Variants in BEGAIN observed in about 807,000 individuals in gnomAD.
BEGAIN encodes brain enriched guanylate kinase associated, also known as brain-enriched guanylate kinase-associated protein.
In BEGAIN, 19 loss-of-function variants were observed where a neutral mutation model predicts 35.8. The ratio of observed to expected loss-of-function variants is 0.53; its 90% confidence interval spans 0.37 to 0.78. The LOEUF is 0.78. BEGAIN is among the 30% of genes least tolerant of loss of function. The pLI, the probability that BEGAIN is intolerant of heterozygous loss-of-function variation, is 0.00. For missense variants in BEGAIN, 795 were observed against 853.6 expected, an observed-to-expected ratio of 0.93 and a Z score of 0.85; for synonymous variants, 462 against 388.6, an observed-to-expected ratio of 1.19 and a Z score of -2.22.
chr14:100,585,593 C>T (rs2035427703), intron 1 of BEGAIN, among the ~76,000 whole-genome samples: 1 of 151,624 alleles, frequency 6.6e-6, no homozygotes, highest in Non-Finnish European at 1.5e-5. Context: ...CCATAAATGG[C>T]AGCTATGTGG....
Position 100,568,137 on chromosome 14 carries a change from G to T in BEGAIN, c.43-198C>A. The T allele has an allele frequency of 1.0e-6, 1 of 992,054 alleles. No homozygotes were observed. The highest frequency in any genetic ancestry group is 1.2e-6 in the Non-Finnish European group (1 of 830,576). The allele number at this position is 992,054 out of a possible 1,614,324, so 61.5% of individuals were successfully genotyped here. Reference sequence around the variant, plus strand: ...AGTGGGCGCGCCGGGCCGCGGCCGAGTAACAGGTGAGCCCGCCCGGGCCGC... The same window carrying T: ...AGTGGGCGCGCCGGGCCGCGGCCGATTAACAGGTGAGCCCGCCCGGGCCGC... On this transcript the variant is annotated intron_variant, in intron 1 of 6. Transcript: ENST00000554140. The surrounding 1 kb of genome is among the most constrained non-coding windows in gnomAD (Gnocchi z 7.5).
chr14:100,571,881 G>A (rs2035090480), intron 1 of BEGAIN, among the ~76,000 whole-genome samples: 1 of 152,294 alleles, frequency 6.6e-6, no homozygotes, highest in South Asian at 2.1e-4. Context: ...TGCACGGCCG[G>A]GGCCTCCCTT....
In BEGAIN at chr14:100,562,625, C is replaced by T. The variant is rs1241276051; in HGVS notation, c.71+5286G>A. 3.3e-5 allele frequency among the ~76,000 whole-genome samples: 5 copies of T among 151,874 alleles called. No individual in the cohort carries two copies. The East Asian group carries it at 9.7e-4, about 29-fold the overall frequency. ...CCAACACATCCAGAACGCAGCACCT[C>T]TGCCCTCCTCCATGGCCACCAGCCC... On this transcript the variant is annotated intron_variant, in intron 2 of 6. Coordinates refer to ENST00000554140, the MANE Select transcript of BEGAIN (RefSeq NM_001385089.1).
Position 100,586,425 on chromosome 14 carries a change from T to A in BEGAIN, c.42+824A>T, listed in dbSNP as rs2035446281. On this transcript the variant is annotated intron_variant, in intron 1 of 6. Transcript: ENST00000554140. This position sits in a 1 kb window ranked among gnomAD's most constrained non-coding sequence, Gnocchi z 4.9. ...TCCGGCCCCGCTCCCGGGTGCCCAC[T>A]CTGCTCCCATTCTGCCGGCTCAGGA... Among the ~76,000 whole-genome samples, 1 of 152,130 alleles carries A rather than the reference T, an allele frequency of 6.6e-6. No individual in the cohort carries two copies. The highest frequency in any genetic ancestry group is 2.4e-5 in the African/African-American group (1 of 41,452).
At chr14:100,559,601 C>T (rs1354911832) in intron 2 of BEGAIN, among the ~76,000 whole-genome samples, 3 of 152,228 alleles carry the variant, frequency 2.0e-5, no homozygotes, top group Non-Finnish European at 4.4e-5. Context: ...CCAGGCTGCT[C>T]ACCACTGCAA....
chr14:100,553,770 A>C (rs1296186115), intron 2 of BEGAIN, among the ~76,000 whole-genome samples: 1 of 152,172 alleles, frequency 6.6e-6, no homozygotes, highest in Non-Finnish European at 1.5e-5. Flanking sequence ...TGTGCTGGAC[A>C]ACCCTCCTGC....
chr14:100,553,558 C>A (rs959815901), intron 2 of BEGAIN, among the ~76,000 whole-genome samples: 1 of 152,142 alleles, frequency 6.6e-6, no homozygotes, highest in East Asian at 1.9e-4. Context: ...AATGTGGCTG[C>A]CCCCACACCC....
chr14:100,539,118 G>A lies in BEGAIN; in HGVS notation c.690C>T (p.Asp230=), dbSNP rs145762986. 1.3e-4 allele frequency: 216 copies of A among 1,607,506 alleles called. No individual in the cohort carries two copies. The African/African-American group carries it at 2.4e-3, about 17-fold the overall frequency. ...GCCGCGGGCCTGGTTTCTCCACCCC[G>A]TCGCAGAAGGCCAGGTCGCGGGCGG... ...DASARDLAFC[D]GVEKPGPRPP... The change falls in exon 7 of 7, where the codon GAC becomes GAT. Residue 230 remains aspartate (D), a synonymous_variant. Coordinates refer to ENST00000554140, the MANE Select transcript of BEGAIN (RefSeq NM_001385089.1).
intron 1 of BEGAIN, among the ~76,000 whole-genome samples, chr14:100,570,728 C>T (rs529508828): frequency 2.4e-4 from 36 of 152,354 alleles, no homozygotes; most frequent in African/African-American, 8.4e-4. Flanking sequence ...GCTACGCCCT[C>T]GGGGACAGTC....
rs56090356 is a variant in BEGAIN, at chr14:100,583,692, CTT to C, written c.42+3555_42+3556del. Among the ~76,000 whole-genome samples the C allele has an allele frequency of 8.3e-4, 90 of 108,972 alleles. 1 individual carries two copies. The highest frequency in any genetic ancestry group is 6.2e-3 in the South Asian group (18 of 2,920). The allele number at this position is 108,972 out of a possible 152,430, so 71.5% of individuals were successfully genotyped here. ...CTCTCTCTCTCTTTCGTTTTTCTTCCTTTTTTTTTTTTTTTTTGATGGAGTCT... is the reference window on the plus strand; with the variant it reads ...CTCTCTCTCTCTTTCGTTTTTCTTCCTTTTTTTTTTTTTTTGATGGAGTCT... On this transcript the variant is annotated intron_variant, in intron 1 of 6. Transcript: ENST00000554140.
chr14:100,584,856 G>C (rs12883220), intron 1 of BEGAIN, among the ~76,000 whole-genome samples: 96 of 151,926 alleles, frequency 6.3e-4, no homozygotes, highest in African/African-American at 2.2e-3. Context: ...AGTCAGAAGA[G>C]AACCATGCGG....
chr14:100,537,901 G>A lies in BEGAIN; in HGVS notation c.*68C>T. On this transcript the variant is annotated 3_prime_UTR_variant, in exon 7 of 7. Coordinates refer to ENST00000554140, the MANE Select transcript of BEGAIN (RefSeq NM_001385089.1). ...GGAACAGCGGGGGCTGGGGAGAGGT[G>A]AGGCCGGCCCTTCTGGGGCACGTGG... is the stretch of plus-strand genomic sequence containing the variant. 7 of 1,517,902 alleles carry A rather than the reference G, an allele frequency of 4.6e-6. No individual in the cohort carries two copies. The highest frequency in any genetic ancestry group is 2.4e-4 in the Middle Eastern group (1 of 4,110). The allele number at this position is 1,517,902 out of a possible 1,614,324, so 94.0% of individuals were successfully genotyped here.
chr14:100,581,899 G>A (rs2035324662), intron 1 of BEGAIN, among the ~76,000 whole-genome samples: 1 of 152,232 alleles, frequency 6.6e-6, no homozygotes, highest in Non-Finnish European at 1.5e-5. Flanking sequence ...CTGCCGAGTG[G>A]GCAGGCATGC....
chr14:100,550,732 C>G (rs2033109017), intron 2 of BEGAIN, among the ~76,000 whole-genome samples: 1 of 152,198 alleles, frequency 6.6e-6, no homozygotes, highest in African/African-American at 2.4e-5. Flanking sequence ...CACCTGCCAG[C>G]CCTCACTCCT....
chr14:100,575,320 C>A (rs1212063240), intron 1 of BEGAIN, among the ~76,000 whole-genome samples: 2 of 152,198 alleles, frequency 1.3e-5, no homozygotes, highest in East Asian at 3.9e-4. Context: ...GTGCTCAAAT[C>A]AACAGACAAG....
chr14:100,537,692 T>G lies in BEGAIN; in HGVS notation c.*277A>C. 3 of 412,400 alleles carry G rather than the reference T, an allele frequency of 7.3e-6. No homozygotes were observed. The highest frequency in any genetic ancestry group is 7.8e-5 in the East Asian group (2 of 25,682). The allele number at this position is 412,400 out of a possible 1,614,324, so 25.5% of individuals were successfully genotyped here. A position where few individuals can be genotyped will look rare whatever the true frequency, so the allele number is the denominator to read the frequency against. ...TTTTCTCTATAAAAATAGTTTCGCTTTATAAAAGGGGGGATGCTCCTCTCA... is the reference window on the plus strand; with the variant it reads ...TTTTCTCTATAAAAATAGTTTCGCTGTATAAAAGGGGGGATGCTCCTCTCA... On this transcript the variant is annotated 3_prime_UTR_variant, in exon 7 of 7. Coordinates refer to ENST00000554140, the MANE Select transcript of BEGAIN (RefSeq NM_001385089.1).
chr14:100,576,655 C>G (rs2139754117), intron 1 of BEGAIN, among the ~76,000 whole-genome samples: 1 of 152,308 alleles, frequency 6.6e-6, no homozygotes, highest in South Asian at 2.1e-4. Context: ...CTCCCTGGCC[C>G]AGGGGACACA....
At chr14:100,557,060 C>A (rs1458255905) in intron 2 of BEGAIN, among the ~76,000 whole-genome samples, 2 of 126,892 alleles carry the variant, frequency 1.6e-5, no homozygotes, top group African/African-American at 6.8e-5. Context: ...CCGGCTCTGC[C>A]GGCCTCTTCC....
At chr14:100,549,164 C>T (rs2032910940) in intron 2 of BEGAIN, 1 of 152,470 alleles carries the variant, frequency 6.6e-6, no homozygotes, top group Non-Finnish European at 1.5e-5. Context: ...ACAGGCCCCT[C>T]CCGACCTCGC....
Sources: gnomAD v4.1 joint callset for allele counts (sites outside exome capture counted in the v4.1 genomes callset) on GRCh38, gnomAD v4.1.1 for gene constraint, Gnocchi (gnomAD v3.1) non-coding constraint, MANE v1.5 for transcripts, NCBI Gene and HGNC (gene_info 2026-07-23, HGNC 2026-07-21) for gene names.